The following DAPK2 variants were observed in gnomAD, a reference collection of about 807,000 sequenced individuals.
DAPK2 encodes the protein death-associated protein kinase 2.
In DAPK2, 35 loss-of-function variants were observed where a neutral mutation model predicts 44.1. That is an observed-to-expected ratio of 0.79 (90% CI 0.61 to 1.05). The LOEUF (loss-of-function observed/expected upper bound fraction) is 1.05, where lower values mean the gene tolerates loss of function less well. Among genes scored for constraint, DAPK2 ranks in the 50% least tolerant of loss-of-function variants. The probability of loss-of-function intolerance (pLI) is 0.00; values close to 1 mark genes in which losing one functional copy is unlikely to be tolerated. For missense variants in DAPK2, 453 were observed against 483.2 expected (o/e 0.94, Z 0.59); for synonymous variants, 174 against 182.6 (o/e 0.95, Z 0.38).
At chr15:64,032,658 G>A (rs2080049374) in intron 1 of DAPK2, among the ~76,000 whole-genome samples, 1 of 152,268 alleles carries the variant, frequency 6.6e-6, no homozygotes, top group Admixed American at 6.5e-5. Context: ...GCAAGATTCA[G>A]AAATAAAAAT....
intron 3 of DAPK2, among the ~76,000 whole-genome samples, chr15:63,959,719 T>C (rs1030286951): frequency 6.6e-6 from 1 of 152,196 alleles, no homozygotes; most frequent in African/African-American, 2.4e-5. Flanking sequence ...TTGATTGTGG[T>C]GGATAAGCTT....
chr15:63,961,394 G>C (rs2077896320), intron 3 of DAPK2, among the ~76,000 whole-genome samples: 1 of 152,144 alleles, frequency 6.6e-6, no homozygotes, highest in African/African-American at 2.4e-5. Flanking sequence ...TATGATGTTA[G>C]CTGGCTATTT....
chr15:63,971,346 A>T (rs1424493774), intron 3 of DAPK2, 77 bp downstream of exon 4: 12 of 1,555,018 alleles, frequency 7.7e-6, no homozygotes, highest in African/African-American at 1.4e-5. Context: ...CACTGGGCCC[A>T]TCCTGGGAAA....
chr15:63,981,624 A>G (rs1056267286), intron 2 of DAPK2, among the ~76,000 whole-genome samples: 4 of 152,156 alleles, frequency 2.6e-5, no homozygotes, highest in Admixed American at 6.5e-5. Flanking sequence ...TTGTAGGATT[A>G]TAAATGTAAT....
intron 2 of DAPK2, among the ~76,000 whole-genome samples, chr15:63,977,659 T>C (rs979033678): frequency 6.6e-6 from 1 of 152,132 alleles, no homozygotes; most frequent in Non-Finnish European, 1.5e-5. Context: ...GGGGGCTTGA[T>C]TTAGAGTTTA....
intron 3 of DAPK2, among the ~76,000 whole-genome samples, chr15:63,941,255 C>A (rs1201364835): frequency 6.6e-6 from 1 of 152,172 alleles, no homozygotes; most frequent in Non-Finnish European, 1.5e-5. Flanking sequence ...CCTCAGCAAC[C>A]CTGAGCACCC....
At chr15:63,978,463 CTGTT>C (rs1421058151) in intron 2 of DAPK2, among the ~76,000 whole-genome samples, 9 of 152,208 alleles carry the variant, frequency 5.9e-5, no homozygotes, top group African/African-American at 2.2e-4. Context: ...AATCAGTCAT[CTGTT>C]TGAAGGTGAG....
In DAPK2 at chr15:63,923,641, C is replaced by T. The variant is rs536656184; in HGVS notation, c.858+1175G>A. Among the ~76,000 whole-genome samples, 5 of 152,354 alleles carry T rather than the reference C, an allele frequency of 3.3e-5. No homozygotes were observed. Among genetic ancestry groups the T allele is most frequent in the South Asian group, 2.1e-4 (1 of 4,830 alleles). On this transcript the variant is annotated intron_variant, in intron 8 of 10. Coordinates refer to ENST00000261891, the Ensembl canonical transcript of DAPK2. The surrounding 1 kb of genome is among the most constrained non-coding windows in gnomAD (Gnocchi z 4.2). ...GACAAGCAGGCTGCAGCCAGGACTC[C>T]GCAGGCATCTGCGCAGGGCTGGAGC...
At chr15:63,926,129 G>C in intron 6 of DAPK2, 36 bp from the exon 8 acceptor site, 12 of 1,569,674 alleles carry the variant, frequency 7.6e-6, no homozygotes, top group Non-Finnish European at 1.0e-5. Context: ...ATAACTAAGG[G>C]AAAGTAGGTG....
At position 63,980,769 on chromosome 15, in the gene DAPK2, C is replaced by T. The variant is rs913973961; in HGVS notation, c.314+2764G>A. The stretch of plus-strand genomic sequence containing the variant: ...TCGCATTGAAATTTAATTCCCAATG[C>T]GGCCGTATTAGGCAGTGGGACCTTT... On this transcript the variant is annotated intron_variant, in intron 2 of 10. Coordinates refer to ENST00000261891, the Ensembl canonical transcript of DAPK2. The surrounding 1 kb of genome is among the most constrained non-coding windows in gnomAD (Gnocchi z 4.3). 4.0e-5 allele frequency among the ~76,000 whole-genome samples: 6 copies of T among 149,868 alleles called. No individual in the cohort carries two copies. Among genetic ancestry groups the T allele is most frequent in the African/African-American group, 7.3e-5 (3 of 40,992 alleles).
At chr15:64,016,024 G>A (rs968179097) in intron 1 of DAPK2, among the ~76,000 whole-genome samples, 1 of 152,224 alleles carries the variant, frequency 6.6e-6, no homozygotes, top group Admixed American at 6.5e-5. Context: ...AGGGAGGAAG[G>A]CTTGGGTTCT....
In DAPK2 at chr15:63,908,693, G is replaced by T; in HGVS notation, c.1033-93C>A. Reference sequence around the variant, plus strand: ...TGGGCAACCTGGGTTGATTCACCTGGACCACGGGACTACAAGCCAGGGAGG... The same window carrying T: ...TGGGCAACCTGGGTTGATTCACCTGTACCACGGGACTACAAGCCAGGGAGG... On this transcript the variant is annotated intron_variant, in intron 10 of 10. Transcript: ENST00000261891. This position sits in a 1 kb window ranked among gnomAD's most constrained non-coding sequence, Gnocchi z 5.7. The T allele has an allele frequency of 9.8e-7, 1 of 1,018,360 alleles. No individual in the cohort carries two copies. Among genetic ancestry groups the T allele is most frequent in the Non-Finnish European group, 1.4e-6 (1 of 725,062 alleles). 63.1% of individuals were successfully genotyped at this position (1,018,360 alleles called of 1,614,324 possible). A position where few individuals can be genotyped will look rare whatever the true frequency, so the allele number is the denominator to read the frequency against.
chr15:64,026,044 G>A (rs1190864585), intron 1 of DAPK2, among the ~76,000 whole-genome samples: 1 of 152,154 alleles, frequency 6.6e-6, no homozygotes, highest in Non-Finnish European at 1.5e-5. Flanking sequence ...GCCCTCGCAG[G>A]TGAAAGTTCC....
chr15:64,045,040 T>C (rs897600881), upstream of DAPK2, among the ~76,000 whole-genome samples: 1 of 152,184 alleles, frequency 6.6e-6, no homozygotes, highest in South Asian at 2.1e-4. Context: ...CCTGCCTGAG[T>C]TGACACAAGA....
intron 8 of DAPK2, among the ~76,000 whole-genome samples, chr15:63,914,443 C>G (rs770295164): frequency 1.1e-4 from 16 of 152,162 alleles, no homozygotes; most frequent in Non-Finnish European, 2.1e-4. Context: ...ATGTCCAGCC[C>G]TCTAGATCCT....
chr15:63,937,107 T>C (rs748002184), intron 4 of DAPK2, among the ~76,000 whole-genome samples: 7 of 151,952 alleles, frequency 4.6e-5, no homozygotes, highest in Non-Finnish European at 1.0e-4. Flanking sequence ...ATCAAAGGAA[T>C]GGTGGGAGCA....
intron 1 of DAPK2, among the ~76,000 whole-genome samples, chr15:64,005,099 G>A (rs567475003): frequency 3.3e-5 from 5 of 152,196 alleles, no homozygotes; most frequent in Non-Finnish European, 7.4e-5. Context: ...TTGTGCTCTG[G>A]CCTCAGGCCC....
chr15:63,929,682 C>T (rs1038791889), intron 5 of DAPK2, 105 bp from the exon 7 acceptor site: 1 of 1,350,656 alleles, frequency 7.4e-7, no homozygotes, highest in African/African-American at 1.4e-5. Flanking sequence ...GCCTCCTCCA[C>T]AGCAGACCCT....
upstream of DAPK2, among the ~76,000 whole-genome samples, chr15:64,044,566 A>T (rs571382681): frequency 6.6e-6 from 1 of 152,216 alleles, no homozygotes; most frequent in African/African-American, 2.4e-5. Context: ...CATACAGGTG[A>T]CCCATCCCGC....
Sources: allele counts gnomAD v4.1 joint callset (sites outside exome capture counted in the v4.1 genomes callset), GRCh38; gene constraint gnomAD v4.1.1; non-coding constraint Gnocchi (gnomAD v3.1); transcripts MANE v1.5; gene names NCBI Gene and HGNC (gene_info 2026-07-23, HGNC 2026-07-21).